The following DRICH1 variants were observed in gnomAD, a reference collection of about 807,000 sequenced individuals.
The protein encoded by DRICH1 is aspartate rich 1.
A neutral mutation model predicts 39.5 loss-of-function variants in DRICH1; 38 were observed. The ratio of observed to expected loss-of-function variants is 0.96; its 90% CI spans 0.74 to 1.26. The LOEUF (loss-of-function observed/expected upper bound fraction) is 1.26, where lower values mean the gene tolerates loss of function less well. DRICH1 is among the 50% of genes most tolerant of loss of function. The pLI is 0.00. For missense variants in DRICH1, 279 were observed against 270.4 expected (o/e 1.03, Z -0.22); for synonymous variants, 84 against 99.5 (o/e 0.84, Z 0.93).
At chr22:23,629,905 C>G (rs1225435813) in intron 1 of DRICH1, among the ~76,000 whole-genome samples, 1 of 152,182 alleles carries the variant, frequency 6.6e-6, no homozygotes, top group African/African-American at 2.4e-5. Flanking sequence ...GTGTGAGCCA[C>G]CGTGCCCGGC....
chr22:23,613,773 G>T, intron 9 of DRICH1, 113 bp from the exon 10 acceptor site: 1 of 771,180 alleles, frequency 1.3e-6, no homozygotes, highest in Middle Eastern at 2.4e-4. Flanking sequence ...TAGTGATTGA[G>T]CCATAGGTCA....
chr22:23,621,902 CAAACAA>C (rs1188368756), intron 4 of DRICH1, among the ~76,000 whole-genome samples, 183 bp downstream of exon 4: 2 of 150,478 alleles, frequency 1.3e-5, no homozygotes, highest in African/African-American at 4.9e-5. Context: ...GACTCTGTCT[CAAACAA>C]AAACAAAAAC....
At chr22:23,593,502 T>C in the DRICH1 span, among the ~76,000 whole-genome samples, 1 of 152,056 alleles carries the variant, frequency 6.6e-6, no homozygotes, top group Admixed American at 6.6e-5. Flanking sequence ...CCTTCTCTAC[T>C]AAAAATACAA....
Position 23,618,795 on chromosome 22 carries a change from C to T in DRICH1, c.436+569G>A, listed in dbSNP as rs111422536. ...ATTCATGAAAAAATGTCCATGAGTA[C>T]GGGGGTGATTTTTGGTTAACTAGCT... On this transcript the variant is annotated intron_variant, in intron 6 of 11. Coordinates refer to ENST00000317749, the MANE Select transcript of DRICH1 (RefSeq NM_016449.4). 1.7e-3 allele frequency among the ~76,000 whole-genome samples: 265 copies of T among 152,178 alleles called. 1 individual carries two copies. The highest frequency in any genetic ancestry group is 5.8e-3 in the African/African-American group (240 of 41,512).
At chr22:23,618,842 T>C (rs1602340085) in intron 6 of DRICH1, among the ~76,000 whole-genome samples, 1 of 152,304 alleles carries the variant, frequency 6.6e-6, no homozygotes, top group South Asian at 2.1e-4. Flanking sequence ...TTTACCTTGA[T>C]GCCTATTCAT....
chr22:23,616,123 C>T (rs1927332767), intron 8 of DRICH1, among the ~76,000 whole-genome samples: 1 of 152,188 alleles, frequency 6.6e-6, no homozygotes, highest in Admixed American at 6.5e-5. Context: ...GAATGTGCTG[C>T]CATGAAACCT....
chr22:23,599,647 G>A, the DRICH1 span, among the ~76,000 whole-genome samples: 1 of 152,154 alleles, frequency 6.6e-6, no homozygotes, highest in Non-Finnish European at 1.5e-5. Context: ...GGGCGCTGAG[G>A]TCACTCCTGT....
chr22:23,605,517 G>C (rs1926678747), downstream of DRICH1, among the ~76,000 whole-genome samples: 1 of 152,130 alleles, frequency 6.6e-6, no homozygotes, highest in South Asian at 2.1e-4. Context: ...CACATACATA[G>C]TGGGAGGAGG....
chr22:23,592,463 A>T, the DRICH1 span, among the ~76,000 whole-genome samples: 1 of 152,104 alleles, frequency 6.6e-6, no homozygotes, highest in Admixed American at 6.5e-5. Context: ...AAGAGGAGAA[A>T]AGGACAGGAA....
At chr22:23,595,892 C>G in the DRICH1 span, among the ~76,000 whole-genome samples, 270 of 152,118 alleles carry the variant, frequency 1.8e-3, no homozygotes, top group Non-Finnish European at 2.4e-3. Flanking sequence ...GACCCTAGGA[C>G]TCTCCATGGG....
At chr22:23,591,749 C>T in the DRICH1 span, among the ~76,000 whole-genome samples, 6 of 152,150 alleles carry the variant, frequency 3.9e-5, no homozygotes, top group East Asian at 1.9e-4. Context: ...TTAGGAAATA[C>T]GTAAATACAC....
Position 23,608,605 on chromosome 22 carries a change from G to A in DRICH1, c.*159C>T. On this transcript the variant is annotated 3_prime_UTR_variant, in exon 12 of 12. Transcript: ENST00000317749. ...ACAGGCCAAACCTAGTGCTGGCGGTGGGTGGGAAGCAGCCTTGGACTTTTT... is the reference window on the plus strand; with the variant it reads ...ACAGGCCAAACCTAGTGCTGGCGGTAGGTGGGAAGCAGCCTTGGACTTTTT... 1.4e-6 allele frequency: 1 copy of A among 717,250 alleles called. No homozygotes were observed. Among genetic ancestry groups the A allele is most frequent in the Non-Finnish European group, 2.4e-6 (1 of 414,182 alleles). 44.4% of individuals were successfully genotyped at this position (717,250 alleles called of 1,614,324 possible).
At chr22:23,603,939 A>C (rs1926601012), downstream of DRICH1, among the ~76,000 whole-genome samples, 1 of 152,112 alleles carries the variant, frequency 6.6e-6, no homozygotes, top group Non-Finnish European at 1.5e-5. Context: ...ATTTTGTTTA[A>C]AATACAGGAT....
chr22:23,597,032 C>G, the DRICH1 span, among the ~76,000 whole-genome samples: 1 of 150,412 alleles, frequency 6.6e-6, no homozygotes, highest in Non-Finnish European at 1.5e-5. Context: ...TGTGGTTAGA[C>G]GCACATGTAC....
the DRICH1 span, among the ~76,000 whole-genome samples, chr22:23,595,447 G>T: frequency 6.6e-6 from 1 of 151,430 alleles, no homozygotes; most frequent in African/African-American, 2.4e-5. Flanking sequence ...AGCTCTAGAG[G>T]TAGAACAGGT....
At chr22:23,584,189 G>C in the DRICH1 span, among the ~76,000 whole-genome samples, 3 of 152,312 alleles carry the variant, frequency 2.0e-5, no homozygotes, top group Middle Eastern at 0.01. Context: ...ACTGAGATGT[G>C]TCCAGGCCTG....
At position 23,614,134 on chromosome 22, in the gene DRICH1, C is replaced by A. The variant is rs370596219; in HGVS notation, c.621+1G>T. The A allele has an allele frequency of 6.2e-7, 1 of 1,606,522 alleles. No individual in the cohort carries two copies. Among genetic ancestry groups the A allele is most frequent in the Non-Finnish European group, 8.5e-7 (1 of 1,173,204 alleles). ...AGAAGACAAAAAAAGGGAGGTCTTA[C>A]GTGGATGTCATCATCATCTTCTTCT... On this transcript the variant is annotated splice_donor_variant, in intron 9 of 11. Coordinates refer to ENST00000317749, the MANE Select transcript of DRICH1 (RefSeq NM_016449.4). LOFTEE classifies it high-confidence loss of function.
At chr22:23,584,554 T>C in the DRICH1 span, among the ~76,000 whole-genome samples, 1 of 152,208 alleles carries the variant, frequency 6.6e-6, no homozygotes, top group Admixed American at 6.5e-5. Flanking sequence ...GGAAGTGATC[T>C]CTGTTATTTT....
downstream of DRICH1, among the ~76,000 whole-genome samples, chr22:23,604,060 T>C (rs1232735466): frequency 3.9e-5 from 6 of 152,166 alleles, no homozygotes; most frequent in Non-Finnish European, 8.8e-5. Flanking sequence ...TCAGTCAAAC[T>C]GCCTGGGTCA....
Sources: gnomAD v4.1 joint callset for allele counts (sites outside exome capture counted in the v4.1 genomes callset) on GRCh38, gnomAD v4.1.1 for gene constraint, MANE v1.5 for transcripts, NCBI Gene and HGNC (gene_info 2026-07-23, HGNC 2026-07-21) for gene names.